PTPRM: variants seen among roughly 807,000 people sequenced by gnomAD.
The protein encoded by PTPRM is receptor-type tyrosine-protein phosphatase mu.
Under a neutral mutation model 186.7 loss-of-function variants are expected in PTPRM, and 47 were observed. The ratio of observed to expected loss-of-function variants is 0.25; its 90% confidence interval spans 0.20 to 0.32. PTPRM has a LOEUF of 0.32. Ranked by LOEUF, PTPRM falls within the 10% of genes least tolerant of loss-of-function variation. The probability of loss-of-function intolerance (pLI) is 1.00; values close to 1 mark genes in which losing one functional copy is unlikely to be tolerated. For missense variants in PTPRM, 1,494 were observed against 1,865.0 expected (o/e 0.80, Z 3.66); for synonymous variants, 668 against 674.9 (o/e 0.99, Z 0.16).
intron 11 of PTPRM, among the ~76,000 whole-genome samples, chr18:8,110,624 G>A (rs190768846): frequency 3.3e-4 from 50 of 152,226 alleles, no homozygotes; most frequent in African/African-American, 8.9e-4. Flanking sequence ...ACACCAGCCC[G>A]GTGCTAAAGT....
At chr18:7,985,661 T>C (rs1415900020) in intron 7 of PTPRM, among the ~76,000 whole-genome samples, 1 of 150,392 alleles carries the variant, frequency 6.6e-6, no homozygotes, top group Non-Finnish European at 1.5e-5. Flanking sequence ...TAAATATATA[T>C]ATATGTATAT....
chr18:7,772,449 CCTTCCTTCCTTCCTT>C, intron 1 of PTPRM, among the ~76,000 whole-genome samples: 2 of 19,782 alleles, frequency 1.0e-4, no homozygotes, highest in African/African-American at 1.9e-4. Flanking sequence ...CCTTCCCCTT[CCTTCCTTCCTTCCTT>C]CCTTCCTTCC....
At chr18:8,082,537 C>T (rs546478033) in intron 9 of PTPRM, among the ~76,000 whole-genome samples, 1 of 144,080 alleles carries the variant, frequency 6.9e-6, no homozygotes, top group African/African-American at 2.5e-5. Context: ...CTCCCTCTCT[C>T]CCCTTCTCTC....
chr18:8,402,034 A>C (rs1251522338), intron 32 of PTPRM, among the ~76,000 whole-genome samples: 1 of 152,232 alleles, frequency 6.6e-6, no homozygotes, highest in Non-Finnish European at 1.5e-5. Context: ...ACTCAGGACC[A>C]AGGCCTAAAC....
intron 7 of PTPRM, among the ~76,000 whole-genome samples, chr18:8,031,271 G>A (rs1304512217): frequency 6.6e-6 from 1 of 152,148 alleles, no homozygotes; most frequent in Non-Finnish European, 1.5e-5. Flanking sequence ...AGAGATTTCA[G>A]TGTTGCTGCA....
chr18:8,252,320 G>A (rs1423825847), intron 17 of PTPRM, among the ~76,000 whole-genome samples, 168 bp from the exon 18 acceptor site: 1 of 152,246 alleles, frequency 6.6e-6, no homozygotes, highest in Non-Finnish European at 1.5e-5. Flanking sequence ...ATCCTAACGT[G>A]ATGGAAGAAT....
chr18:8,285,659 G>A (rs527481529), intron 19 of PTPRM, among the ~76,000 whole-genome samples: 27 of 152,228 alleles, frequency 1.8e-4, no homozygotes, highest in African/African-American at 6.5e-4. Flanking sequence ...CTTCATTTTT[G>A]TTGTCTCGAC....
At chr18:8,238,936 G>A (rs2094383287) in intron 14 of PTPRM, among the ~76,000 whole-genome samples, 1 of 150,730 alleles carries the variant, frequency 6.6e-6, no homozygotes, top group Middle Eastern at 3.5e-3. Context: ...GTTAGGCTCT[G>A]ACAAAAGTCT....
At chr18:7,947,060 A>T (rs2052577174) in intron 5 of PTPRM, 2 of 454,744 alleles carry the variant, frequency 4.4e-6, no homozygotes, top group Non-Finnish European at 8.8e-6. Flanking sequence ...GAGTCTGTTT[A>T]TTCTGTGCTT....
chr18:7,648,337 T>G (rs1045079662), intron 1 of PTPRM, among the ~76,000 whole-genome samples: 8 of 152,112 alleles, frequency 5.3e-5, no homozygotes, highest in Non-Finnish European at 1.5e-5. Flanking sequence ...AATATTAAAA[T>G]TAGGACAATT....
At chr18:8,375,898 A>G (rs1260562034) in intron 24 of PTPRM, 148 bp from the exon 25 acceptor site, 27 of 789,328 alleles carry the variant, frequency 3.4e-5, no homozygotes, top group Middle Eastern at 2.5e-4. Context: ...TGTGAGATCT[A>G]AGGATGGCCT....
intron 14 of PTPRM, among the ~76,000 whole-genome samples, chr18:8,167,064 C>T (rs2093334450): frequency 1.3e-5 from 2 of 152,220 alleles, no homozygotes; most frequent in Non-Finnish European, 2.9e-5. Context: ...AGGCTCTGCT[C>T]ACTTAAGGTC....
At chr18:8,100,685 G>A (rs557506820) in intron 11 of PTPRM, among the ~76,000 whole-genome samples, 5 of 152,276 alleles carry the variant, frequency 3.3e-5, no homozygotes, top group Admixed American at 1.3e-4. Context: ...TGTAAAATTC[G>A]CATCAAGTAT....
intron 1 of PTPRM, among the ~76,000 whole-genome samples, chr18:7,690,319 A>G (rs912941675): frequency 1.3e-5 from 2 of 152,240 alleles, no homozygotes; most frequent in African/African-American, 4.8e-5. Context: ...TTTTCTTAAA[A>G]GAAATTGTGT....
At chr18:7,588,623 T>G (rs1447678020) in intron 1 of PTPRM, among the ~76,000 whole-genome samples, 1 of 152,224 alleles carries the variant, frequency 6.6e-6, no homozygotes. Flanking sequence ...ACAGCTAATG[T>G]GATGTTTGAG....
At chr18:8,154,921 T>G (rs1391832453) in intron 14 of PTPRM, 1 of 152,236 alleles carries the variant, frequency 6.6e-6, no homozygotes, top group Non-Finnish European at 1.5e-5. Flanking sequence ...TATACACTTA[T>G]TTTTACTTTA....
intron 14 of PTPRM, among the ~76,000 whole-genome samples, chr18:8,199,244 AG>A (rs2093820634): frequency 6.6e-6 from 1 of 152,176 alleles, no homozygotes; most frequent in Admixed American, 6.5e-5. Flanking sequence ...CTTATGTTGC[AG>A]CTGAGGAAAC....
At chr18:8,057,207 T>C (rs965757697) in intron 7 of PTPRM, among the ~76,000 whole-genome samples, 1 of 151,776 alleles carries the variant, frequency 6.6e-6, no homozygotes, top group Non-Finnish European at 1.5e-5. Context: ...TTTATATCAG[T>C]AATATTTTAT....
chr18:8,133,706 G>A (rs1365815278), intron 13 of PTPRM, among the ~76,000 whole-genome samples: 1 of 152,150 alleles, frequency 6.6e-6, no homozygotes, highest in Non-Finnish European at 1.5e-5. Context: ...ATTTCCGTTT[G>A]GTGTATTTCA....
Sources: allele counts gnomAD v4.1 joint callset (sites outside exome capture counted in the v4.1 genomes callset), GRCh38; gene constraint gnomAD v4.1.1; transcripts MANE v1.5; gene names NCBI Gene and HGNC (gene_info 2026-07-23, HGNC 2026-07-21).